RAP1B: variants seen among roughly 807,000 people sequenced by gnomAD.
RAP1B encodes ras-related protein Rap-1b.
In RAP1B, 1 loss-of-function variant was observed where a neutral mutation model predicts 27.5. The observed-to-expected ratio is 0.04, with a 90% CI of 0.01 to 0.17. The LOEUF (loss-of-function observed/expected upper bound fraction) is 0.17, where lower values mean the gene tolerates loss of function less well. RAP1B is among the 10% of genes least tolerant of loss of function. The pLI is 1.00. For missense variants in RAP1B, 84 were observed against 214.8 expected (o/e 0.39, Z 3.81); for synonymous variants, 75 against 73.1 (o/e 1.03, Z -0.13).
chr12:68,661,870 C>G lies in RAP1B; in HGVS notation c.*2621C>G, dbSNP rs1000630011. The stretch of plus-strand genomic sequence containing the variant: ...AATATAAAGTTTGGAGCCAGACTTC[C>G]TGGGTTTTTAATCCCAGCTCTTCCA... On this transcript the variant is annotated 3_prime_UTR_variant, in exon 8 of 8. Transcript: ENST00000250559. 1 of 151,784 alleles carries G rather than the reference C, an allele frequency of 6.6e-6. No homozygotes were observed. Among genetic ancestry groups the G allele is most frequent in the African/African-American group, 2.4e-5 (1 of 41,310 alleles). 9.4% of individuals were successfully genotyped at this position (151,784 alleles called of 1,614,324 possible).
chr12:68,634,218 C>G (rs1363331422), intron 1 of RAP1B, among the ~76,000 whole-genome samples: 1 of 152,208 alleles, frequency 6.6e-6, no homozygotes, highest in African/African-American at 2.4e-5. Context: ...CTGGCTACTT[C>G]CTATGTGTTA....
intron 1 of RAP1B, among the ~76,000 whole-genome samples, chr12:68,626,173 T>G (rs1871762302): frequency 6.6e-6 from 1 of 152,192 alleles, no homozygotes; most frequent in Admixed American, 6.5e-5. Flanking sequence ...ACCACCCCAC[T>G]TAAGCATTTA....
At chr12:68,636,010 C>G (rs1872607205) in intron 1 of RAP1B, among the ~76,000 whole-genome samples, 1 of 151,636 alleles carries the variant, frequency 6.6e-6, no homozygotes, top group African/African-American at 2.4e-5. Context: ...TCCTGAGTAT[C>G]TGGGACTACA....
chr12:68,616,438 A>ATTTTT lies in RAP1B; in HGVS notation c.-27+5417_-27+5421dup, dbSNP rs142174644. ...TAGCTGGGAATACTGTGCCTGGCTA[A>ATTTTT]TTTTTTTTTTTTTTTTTTTTTTTTT... On this transcript the variant is annotated intron_variant, in intron 1 of 7. Coordinates refer to ENST00000250559, the MANE Select transcript of RAP1B (RefSeq NM_001010942.3). Among the ~76,000 whole-genome samples the ATTTTT allele has an allele frequency of 5.3e-4, 47 of 89,466 alleles. 1 individual carries two copies. Among genetic ancestry groups the ATTTTT allele is most frequent in the African/African-American group, 2.1e-3 (42 of 19,594 alleles). The allele number at this position is 89,466 out of a possible 152,430, so 58.7% of individuals were successfully genotyped here.
At chr12:68,625,275 A>G (rs1173227862) in intron 1 of RAP1B, among the ~76,000 whole-genome samples, 7 of 152,256 alleles carry the variant, frequency 4.6e-5, no homozygotes, top group Non-Finnish European at 5.9e-5. Context: ...TTTATGGAAT[A>G]TTAAATGGAT....
At chr12:68,639,167 CTT>C (rs962827853) in intron 1 of RAP1B, among the ~76,000 whole-genome samples, 4 of 152,160 alleles carry the variant, frequency 2.6e-5, no homozygotes, top group Non-Finnish European at 5.9e-5. Context: ...ATTCAAATGA[CTT>C]TACCCGTAAA....
intron 1 of RAP1B, among the ~76,000 whole-genome samples, chr12:68,625,237 G>C (rs539658094): frequency 2.6e-5 from 4 of 152,302 alleles, no homozygotes; most frequent in Admixed American, 2.0e-4. Context: ...AGTGTGGTGT[G>C]CCTTTCATTT....
At chr12:68,635,089 TGA>T (rs1201012579) in intron 1 of RAP1B, among the ~76,000 whole-genome samples, 1 of 152,234 alleles carries the variant, frequency 6.6e-6, no homozygotes, top group Non-Finnish European at 1.5e-5. Context: ...GTCCTCATTA[TGA>T]GAGAGGCAGA....
At chr12:68,658,647 C>A (rs931078712) in intron 7 of RAP1B, among the ~76,000 whole-genome samples, 5 of 151,776 alleles carry the variant, frequency 3.3e-5, no homozygotes, top group African/African-American at 1.2e-4. Context: ...AGTGTAATAC[C>A]ACCTTTTTCT....
At chr12:68,653,385 T>C (rs1055186118) in intron 4 of RAP1B, among the ~76,000 whole-genome samples, 1 of 138,196 alleles carries the variant, frequency 7.2e-6, no homozygotes, top group Non-Finnish European at 1.6e-5. Context: ...CTTCAAATGC[T>C]CACAGTCTAG....
chr12:68,634,711 G>A (rs1322081989), intron 1 of RAP1B, among the ~76,000 whole-genome samples: 3 of 151,972 alleles, frequency 2.0e-5, no homozygotes, highest in African/African-American at 7.3e-5. Flanking sequence ...TTGTCAGATT[G>A]TTGATAAATT....
intron 3 of RAP1B, among the ~76,000 whole-genome samples, chr12:68,651,403 T>C (rs938367324): frequency 2.0e-5 from 3 of 152,192 alleles, no homozygotes; most frequent in South Asian, 2.1e-4. Flanking sequence ...CTGGAAACTT[T>C]TGCACCCCAG....
rs1190406956 is a variant in RAP1B, at chr12:68,661,319, T to G, written c.*2070T>G. ...AATTTACTATGTCCTGTTACATCCA[T>G]TGATACCGCCATTATTCAATAATTA... On this transcript the variant is annotated 3_prime_UTR_variant, in exon 8 of 8. Coordinates refer to ENST00000250559, the MANE Select transcript of RAP1B (RefSeq NM_001010942.3). The G allele has an allele frequency of 6.6e-6, 1 of 152,230 alleles. No homozygotes were observed. Among genetic ancestry groups the G allele is most frequent in the Admixed American group, 6.5e-5 (1 of 15,282 alleles). The allele number at this position is 152,230 out of a possible 1,614,324, so 9.4% of individuals were successfully genotyped here. A position where few individuals can be genotyped will look rare whatever the true frequency, so the allele number is the denominator to read the frequency against.
chr12:68,648,027 C>T (rs940959269), intron 1 of RAP1B: 1 of 152,050 alleles, frequency 6.6e-6, no homozygotes, highest in African/African-American at 2.4e-5. Context: ...TGTAATGCCC[C>T]CACCCTGGAA....
In RAP1B at chr12:68,660,820, G is replaced by A. The variant is rs1874554701; in HGVS notation, c.*1571G>A. 2 of 152,138 alleles carry A rather than the reference G, an allele frequency of 1.3e-5. No individual in the cohort carries two copies. Among genetic ancestry groups the A allele is most frequent in the Non-Finnish European group, 2.9e-5 (2 of 68,016 alleles). 9.4% of individuals were successfully genotyped at this position (152,138 alleles called of 1,614,324 possible). A position where few individuals can be genotyped will look rare whatever the true frequency, so the allele number is the denominator to read the frequency against. ...TAATGTTCAGTAGCTATTTGATGAG[G>A]TAGGTAAAAGAGGAACGATTTAACA... On this transcript the variant is annotated 3_prime_UTR_variant, in exon 8 of 8. Transcript: ENST00000250559.
At chr12:68,618,065 AT>A (rs1325679456) in intron 1 of RAP1B, among the ~76,000 whole-genome samples, 1 of 111,006 alleles carries the variant, frequency 9.0e-6, no homozygotes, top group Non-Finnish European at 1.8e-5. Flanking sequence ...ACCCAGCTGT[AT>A]TAGTTCTTGT....
Position 68,610,993 on chromosome 12 carries a change from G to C in RAP1B, c.-77G>C, listed in dbSNP as rs1379942343. The C allele has an allele frequency of 1.9e-5, 6 of 323,782 alleles. No homozygotes were observed. In the East Asian group the frequency reaches 2.2e-4, roughly 12 times the overall value. 20.1% of individuals were successfully genotyped at this position (323,782 alleles called of 1,614,324 possible). ...CCGTGGCGCCTAGAGTAGCGACCCG[G>C]GGGGAGCGCGGGGCGACGCTGGCTG... On this transcript the variant is annotated 5_prime_UTR_variant, in exon 1 of 8. Transcript: ENST00000250559.
In RAP1B at chr12:68,663,973, T is replaced by A. The variant is rs1394062474; in HGVS notation, c.*4724T>A. ...GCTGTCATTTTTCATATATATAAAT[T>A]TTTTTATTCATAGGTAATCTAATTT... On this transcript the variant is annotated 3_prime_UTR_variant, in exon 8 of 8. Coordinates refer to ENST00000250559, the MANE Select transcript of RAP1B (RefSeq NM_001010942.3). 1.3e-5 allele frequency: 2 copies of A among 152,128 alleles called. No individual in the cohort carries two copies. The highest frequency in any genetic ancestry group is 2.9e-5 in the Non-Finnish European group (2 of 68,028). The allele number at this position is 152,128 out of a possible 1,614,324, so 9.4% of individuals were successfully genotyped here.
chr12:68,611,265 C>G (rs1208578814), intron 1 of RAP1B, among the ~76,000 whole-genome samples: 6 of 149,292 alleles, frequency 4.0e-5, no homozygotes, highest in Non-Finnish European at 9.0e-5. Flanking sequence ...GAGGAGCAGC[C>G]GCCGCCGCCG....
Sources: gnomAD v4.1 joint callset for allele counts (sites outside exome capture counted in the v4.1 genomes callset) on GRCh38, gnomAD v4.1.1 for gene constraint, MANE v1.5 for transcripts, NCBI Gene and HGNC (gene_info 2026-07-23, HGNC 2026-07-21) for gene names.